CSMD1: variants seen among roughly 807,000 people sequenced by gnomAD.
CSMD1 encodes CUB and Sushi multiple domains 1, also known as CUB and sushi domain-containing protein 1.
A neutral mutation model predicts 417.5 loss-of-function variants in CSMD1; 213 were observed. The observed-to-expected ratio is 0.51, with a 90% CI of 0.46 to 0.57. The LOEUF (loss-of-function observed/expected upper bound fraction) is 0.57, where lower values mean the gene tolerates loss of function less well. Among genes scored for constraint, CSMD1 ranks in the 20% least tolerant of loss-of-function variants. CSMD1 has a pLI of 0.00. For synonymous variants in CSMD1, 2,862 were observed against 1,736.8 expected (o/e 1.65, Z -16.11); for missense variants, 6,923 against 4,529.7 (o/e 1.53, Z -15.17).
At chr8:3,150,937 G>A (rs1426284859) in intron 40 of CSMD1, among the ~76,000 whole-genome samples, 1 of 152,000 alleles carries the variant, frequency 6.6e-6, no homozygotes. Context: ...TTATTAACCT[G>A]AAAACAATGT....
rs1258762862 is a variant in CSMD1, at chr8:3,424,487, A to T, written c.1562-14882T>A. Among the ~76,000 whole-genome samples, 3 of 152,224 alleles carry T rather than the reference A, an allele frequency of 2.0e-5. No individual in the cohort carries two copies. The East Asian group carries it at 5.8e-4, about 29-fold the overall frequency. On this transcript the variant is annotated intron_variant, in intron 12 of 69. Transcript: ENST00000635120. ...GTATGCGAATATGTGTAACTTAATG[A>T]TTGTCCCTTAGGTCATATAGAGAAA...
intron 1 of CSMD1, among the ~76,000 whole-genome samples, chr8:4,905,643 C>T (rs921746592): frequency 3.3e-5 from 5 of 151,350 alleles, no homozygotes; most frequent in South Asian, 2.1e-4. Context: ...CACGGTGAAA[C>T]CCCGTCTCTA....
intron 1 of CSMD1, among the ~76,000 whole-genome samples, chr8:4,912,778 G>A (rs1265459206): frequency 1.4e-5 from 2 of 141,736 alleles, no homozygotes; most frequent in Admixed American, 7.2e-5. Context: ...ATGACATACA[G>A]CACCAGCTAT....
At chr8:4,934,488 C>T (rs769899314) in intron 1 of CSMD1, among the ~76,000 whole-genome samples, 7 of 152,116 alleles carry the variant, frequency 4.6e-5, no homozygotes, top group Admixed American at 4.6e-4. Flanking sequence ...ATAGAAAATA[C>T]GAAGAGCTTA....
chr8:3,882,596 G>C (rs1274295365), intron 5 of CSMD1, among the ~76,000 whole-genome samples: 1 of 152,160 alleles, frequency 6.6e-6, no homozygotes, highest in Non-Finnish European at 1.5e-5. Context: ...GTTCATAGTA[G>C]CACTATTTGT....
chr8:3,354,342 G>T (rs1300100532), intron 21 of CSMD1, among the ~76,000 whole-genome samples: 1 of 152,126 alleles, frequency 6.6e-6, no homozygotes, highest in Non-Finnish European at 1.5e-5. Context: ...TGTAGAAATT[G>T]TTGTGGGGCT....
intron 6 of CSMD1, among the ~76,000 whole-genome samples, chr8:3,734,879 C>A (rs900103489): frequency 4.6e-5 from 7 of 152,270 alleles, no homozygotes; most frequent in African/African-American, 7.2e-5. Flanking sequence ...TACAATAGGG[C>A]TGTACTGAAG....
At chr8:3,848,938 G>GAT (rs151218208) in intron 5 of CSMD1, among the ~76,000 whole-genome samples, 3,815 of 150,300 alleles carry the variant, frequency 0.025, 138 homozygotes, top group African/African-American at 0.087. Context: ...ATATATATAT[G>GAT]ATATATATAT....
intron 10 of CSMD1, among the ~76,000 whole-genome samples, chr8:3,565,459 C>T (rs1197530781): frequency 1.3e-5 from 2 of 152,282 alleles, no homozygotes; most frequent in Admixed American, 1.3e-4. Flanking sequence ...TGAATCGCCT[C>T]CTTAATAAAG....
At chr8:4,072,723 C>G (rs755557816) in intron 3 of CSMD1, among the ~76,000 whole-genome samples, 5 of 152,130 alleles carry the variant, frequency 3.3e-5, no homozygotes, top group Non-Finnish European at 7.4e-5. Context: ...CAGAAATGAA[C>G]AAAGTGTTTA....
At chr8:4,214,778 C>A (rs1483457005) in intron 3 of CSMD1, among the ~76,000 whole-genome samples, 1 of 152,104 alleles carries the variant, frequency 6.6e-6, no homozygotes, top group Non-Finnish European at 1.5e-5. Context: ...CTGTGATGCA[C>A]ATTTCAAATG....
chr8:3,779,291 G>C (rs1240695891), intron 5 of CSMD1, among the ~76,000 whole-genome samples: 3 of 151,856 alleles, frequency 2.0e-5, no homozygotes, highest in South Asian at 2.1e-4. Flanking sequence ...TATGAAACTA[G>C]GCTTGAACTT....
chr8:3,769,710 T>C (rs1046669863), intron 5 of CSMD1, among the ~76,000 whole-genome samples: 2 of 152,190 alleles, frequency 1.3e-5, no homozygotes, highest in South Asian at 2.1e-4. Flanking sequence ...ACTATTCCAT[T>C]GAGTGAACAT....
chr8:3,582,354 C>G (rs749681660), intron 9 of CSMD1, among the ~76,000 whole-genome samples: 5 of 152,000 alleles, frequency 3.3e-5, no homozygotes, highest in Admixed American at 6.6e-5. Flanking sequence ...CAAATTGAGA[C>G]GCTACTTAAA....
intron 3 of CSMD1, among the ~76,000 whole-genome samples, chr8:4,283,711 T>A (rs528852324): frequency 6.6e-6 from 1 of 152,310 alleles, no homozygotes; most frequent in African/African-American, 2.4e-5. Flanking sequence ...ACACACTTTT[T>A]ATTCTTTTTA....
chr8:4,497,666 C>G lies in CSMD1; in HGVS notation c.303-77601G>C, dbSNP rs183625874. Among the ~76,000 whole-genome samples the G allele has an allele frequency of 1.1e-4, 16 of 152,168 alleles. 2 individuals carry two copies. Among genetic ancestry groups the G allele is most frequent in the East Asian group, 7.8e-4 (4 of 5,150 alleles). On this transcript the variant is annotated intron_variant, in intron 2 of 69. Transcript: ENST00000635120. ...AACTCGTGCCCCAGTGAGGAAATTA[C>G]CATACTCCAATTAAAGGGAAGGCAG...
intron 10 of CSMD1, among the ~76,000 whole-genome samples, chr8:3,512,725 C>T (rs1344799338): frequency 6.6e-6 from 1 of 151,564 alleles, no homozygotes; most frequent in Non-Finnish European, 1.5e-5. Flanking sequence ...TCTCCTGCCT[C>T]AGCTTCCCAA....
intron 36 of CSMD1, 139 bp from the exon 37 acceptor site, chr8:3,181,353 T>C (rs1821311570): frequency 1.5e-6 from 1 of 646,822 alleles, no homozygotes; most frequent in East Asian, 2.8e-5. Context: ...TGAGTGTTGG[T>C]TTTATTATGT....
Position 4,069,690 on chromosome 8 carries a change from G to C in CSMD1, c.416-37591C>G, listed in dbSNP as rs552630915. Among the ~76,000 whole-genome samples the C allele has an allele frequency of 3.3e-5, 5 of 152,202 alleles. No individual in the cohort carries two copies. The East Asian group carries it at 9.7e-4, about 30-fold the overall frequency. On this transcript the variant is annotated intron_variant, in intron 3 of 69. Transcript: ENST00000635120. ...TTCTCCGACTGGATTGCATTCTCATGTTATACTTCCCTTTCTTTCTCCCAC... is the reference window on the plus strand; with the variant it reads ...TTCTCCGACTGGATTGCATTCTCATCTTATACTTCCCTTTCTTTCTCCCAC...
Sources: gnomAD v4.1 joint callset for allele counts (sites outside exome capture counted in the v4.1 genomes callset) on GRCh38, gnomAD v4.1.1 for gene constraint, MANE v1.5 for transcripts, NCBI Gene and HGNC (gene_info 2026-07-23, HGNC 2026-07-21) for gene names.